The following FBRSL1 variants were observed in gnomAD, a reference collection of about 807,000 sequenced individuals.
The protein encoded by FBRSL1 is fibrosin like 1.
In FBRSL1, 51 loss-of-function variants were observed where a neutral mutation model predicts 89.6. The ratio of observed to expected loss-of-function variants is 0.57; its 90% CI spans 0.45 to 0.72. The LOEUF is 0.72. Among genes scored for constraint, FBRSL1 ranks in the 30% least tolerant of loss-of-function variants. FBRSL1 has a pLI of 0.00. For synonymous variants in FBRSL1, 779 were observed against 681.1 expected (o/e 1.14, Z -2.24); for missense variants, 1,618 against 1,451.8 (o/e 1.11, Z -1.86).
intron 6 of FBRSL1, 38 bp from the exon 7 acceptor site, chr12:132,569,888 G>A: frequency 3.0e-6 from 4 of 1,333,944 alleles, no homozygotes; most frequent in South Asian, 1.9e-5. Flanking sequence ...CAGGGACGAG[G>A]CCCTGCTGGT....
At chr12:132,578,089 G>A (rs929828686) in intron 15 of FBRSL1, among the ~76,000 whole-genome samples, 1 of 152,234 alleles carries the variant, frequency 6.6e-6, no homozygotes, top group Non-Finnish European at 1.5e-5. Context: ...GAATCCTTAC[G>A]ATAGCATAAA....
chr12:132,556,986 C>T (rs1398037901), intron 5 of FBRSL1, among the ~76,000 whole-genome samples: 1 of 152,214 alleles, frequency 6.6e-6, no homozygotes, highest in East Asian at 1.9e-4. Context: ...CCCCAGCGCT[C>T]GGCTAACCAT....
intron 15 of FBRSL1, among the ~76,000 whole-genome samples, 197 bp downstream of exon 15, chr12:132,577,128 A>C (rs1593587103): frequency 6.8e-5 from 9 of 132,302 alleles, no homozygotes; most frequent in East Asian, 2.2e-4. Context: ...TCTTCTCCTC[A>C]CCTCTCCTCT....
chr12:132,526,911 C>T (rs1173469862), intron 3 of FBRSL1, among the ~76,000 whole-genome samples: 1 of 152,094 alleles, frequency 6.6e-6, no homozygotes, highest in African/African-American at 2.4e-5. Context: ...TGGTGTGATC[C>T]ATACCTCTGT....
chr12:132,558,749 G>A (rs2038876025), intron 5 of FBRSL1, among the ~76,000 whole-genome samples: 1 of 152,218 alleles, frequency 6.6e-6, no homozygotes, highest in Non-Finnish European at 1.5e-5. Context: ...GAATGGCTGC[G>A]GGCTCCGCCA....
chr12:132,492,699 G>A (rs1019279189), intron 1 of FBRSL1, among the ~76,000 whole-genome samples: 2 of 152,200 alleles, frequency 1.3e-5, no homozygotes, highest in African/African-American at 2.4e-5. Context: ...TGGTGACTTC[G>A]GCTTAGACCA....
chr12:132,509,139 T>G (rs2136596046), intron 2 of FBRSL1: 1 of 1,180,798 alleles, frequency 8.5e-7, no homozygotes, highest in East Asian at 3.2e-5. Context: ...CCTGCCCAGG[T>G]GGACACGTGC....
At chr12:132,528,439 C>A (rs534438173) in intron 4 of FBRSL1, among the ~76,000 whole-genome samples, 2 of 152,152 alleles carry the variant, frequency 1.3e-5, no homozygotes. Context: ...ATGCCCTGAC[C>A]GGCACCTGCC....
chr12:132,523,184 C>T (rs923472695), intron 2 of FBRSL1, among the ~76,000 whole-genome samples: 18 of 152,216 alleles, frequency 1.2e-4, no homozygotes, highest in African/African-American at 4.1e-4. Flanking sequence ...GTGGCCTCCC[C>T]GGCCCCTGGT....
chr12:132,506,531 T>G (rs1179471630), intron 1 of FBRSL1, among the ~76,000 whole-genome samples: 3 of 152,246 alleles, frequency 2.0e-5, no homozygotes, highest in Non-Finnish European at 2.9e-5. Flanking sequence ...CAGGCTGCCC[T>G]TGCAGGTTTC....
intron 1 of FBRSL1, among the ~76,000 whole-genome samples, chr12:132,506,434 C>T (rs1050085644): frequency 2.6e-5 from 4 of 152,180 alleles, no homozygotes; most frequent in East Asian, 3.9e-4. Flanking sequence ...CACCCGGTCC[C>T]GCCTCCTCAG....
At chr12:132,573,997 AG>A in intron 11 of FBRSL1, 92 bp from the exon 12 acceptor site, 2 of 853,056 alleles carry the variant, frequency 2.3e-6, no homozygotes, top group Non-Finnish European at 3.0e-6. Context: ...AAGGCAAAGC[AG>A]GGCACAGGCC....
At chr12:132,565,792 C>A in intron 5 of FBRSL1, 1 of 152,350 alleles carries the variant, frequency 6.6e-6, no homozygotes. Flanking sequence ...GGGTGAACGT[C>A]AAAAGCCGTG....
chr12:132,573,975 G>C, intron 11 of FBRSL1, 115 bp from the exon 12 acceptor site: 1 of 576,438 alleles, frequency 1.7e-6, no homozygotes, highest in Non-Finnish European at 2.3e-6. Flanking sequence ...ACAGCGTGCG[G>C]GGCCCCACGG....
chr12:132,576,722 T>C, intron 14 of FBRSL1, 77 bp from the exon 15 acceptor site: 1 of 1,480,892 alleles, frequency 6.8e-7, no homozygotes, highest in Non-Finnish European at 9.1e-7. Context: ...CCAGTCCCTG[T>C]GGCCCCTCAG....
chr12:132,555,725 C>T (rs1039365525), intron 5 of FBRSL1, among the ~76,000 whole-genome samples: 1 of 152,220 alleles, frequency 6.6e-6, no homozygotes, highest in South Asian at 2.1e-4. Context: ...CCCTGTCCGT[C>T]CTCACATGGC....
At chr12:132,581,132 G>A (rs1298502108) in intron 15 of FBRSL1, 14 of 985,316 alleles carry the variant, frequency 1.4e-5, no homozygotes, top group East Asian at 2.3e-4. Flanking sequence ...ATGTTACTTG[G>A]ACTTTGTCTC....
intron 2 of FBRSL1, among the ~76,000 whole-genome samples, chr12:132,522,640 G>C (rs1197385706): frequency 6.6e-6 from 1 of 152,198 alleles, no homozygotes; most frequent in African/African-American, 2.4e-5. Flanking sequence ...TGGCCCACAG[G>C]GAGCTGTTCC....
chr12:132,535,352 A>G (rs998319785), intron 4 of FBRSL1, among the ~76,000 whole-genome samples: 1 of 152,186 alleles, frequency 6.6e-6, no homozygotes, highest in African/African-American at 2.4e-5. Context: ...TCGGAGGGAC[A>G]CTAATGAGAA....
Sources: gnomAD v4.1 joint callset for allele counts (sites outside exome capture counted in the v4.1 genomes callset) on GRCh38, gnomAD v4.1.1 for gene constraint, MANE v1.5 for transcripts, NCBI Gene and HGNC (gene_info 2026-07-23, HGNC 2026-07-21) for gene names.